The following ZBTB43 variants were observed in gnomAD, a reference collection of about 807,000 sequenced individuals.
ZBTB43 encodes zinc finger and BTB domain containing 43.
In ZBTB43, 6 loss-of-function variants were observed where a neutral mutation model predicts 31.1. That is an observed-to-expected ratio of 0.19 (90% CI 0.11 to 0.38). The LOEUF (loss-of-function observed/expected upper bound fraction) is 0.38, where lower values mean the gene tolerates loss of function less well. Ranked by LOEUF, ZBTB43 falls within the 10% of genes least tolerant of loss-of-function variation. ZBTB43 has a pLI of 1.00. For synonymous variants in ZBTB43, 212 were observed against 221.7 expected (o/e 0.96, Z 0.39); for missense variants, 379 against 602.1 (o/e 0.63, Z 3.88).
upstream of ZBTB43, among the ~76,000 whole-genome samples, chr9:126,804,275 C>T (rs375709897): frequency 2.6e-4 from 39 of 152,030 alleles, no homozygotes; most frequent in Non-Finnish European, 8.8e-5. Flanking sequence ...TCTGTGTGAC[C>T]CCAGTGCCCA....
rs1197951199 is a variant in ZBTB43, at chr9:126,835,220, A to G, written c.*1307A>G. 3 of 165,306 alleles carry G rather than the reference A, an allele frequency of 1.8e-5. No homozygotes were observed. Among genetic ancestry groups the G allele is most frequent in the African/African-American group, 7.3e-5 (3 of 41,054 alleles). The allele number at this position is 165,306 out of a possible 1,614,324, so 10.2% of individuals were successfully genotyped here. ...AAGTCCACAAAGCTACGCCGACCAGAAAAAAAAAATTAAAAAAACAAACAA... is the reference window on the plus strand; with the variant it reads ...AAGTCCACAAAGCTACGCCGACCAGGAAAAAAAAATTAAAAAAACAAACAA... On this transcript the variant is annotated 3_prime_UTR_variant, in exon 3 of 3. Transcript: ENST00000373464.
At chr9:126,810,853 A>G (rs1160092058) in intron 2 of ZBTB43, among the ~76,000 whole-genome samples, 1 of 151,964 alleles carries the variant, frequency 6.6e-6, no homozygotes, top group East Asian at 1.9e-4. Context: ...TTGTGAATGC[A>G]TTGTATATAA....
Position 126,833,311 on chromosome 9 carries a change from C to G in ZBTB43, c.802C>G (p.Gln268Glu). 1 of 1,613,010 alleles carries G rather than the reference C, an allele frequency of 6.2e-7. No individual in the cohort carries two copies. The highest frequency in any genetic ancestry group is 8.5e-7 in the Non-Finnish European group (1 of 1,179,504). Reference protein sequence around the residue: ...MDVHATYDEHQVTESINTVQT... With the variant: ...MDVHATYDEHEVTESINTVQT... ...TGTGCACGCGACCTACGACGAGCAC[C>G]AGGTCACAGAGTCCATCAACACCGT... Residue 268 changes from glutamine to glutamate, a missense_variant, in exon 3 of 3, where the codon CAG becomes GAG. Physicochemically the swap from Gln to Glu is conservative, Grantham distance 29. Coordinates refer to ENST00000373464, the MANE Select transcript of ZBTB43 (RefSeq NM_014007.4). The surrounding 1 kb of genome is among the most constrained non-coding windows in gnomAD (Gnocchi z 7.9).
intron 1 of ZBTB43, 148 bp from the exon 2 acceptor site, chr9:126,808,645 G>A (rs1199749089): frequency 2.0e-5 from 3 of 152,166 alleles, no homozygotes; most frequent in Admixed American, 6.5e-5. Context: ...CAGGAGCTAT[G>A]AAGTTGCAGA....
At chr9:126,830,415 C>A (rs577404193) in intron 2 of ZBTB43, among the ~76,000 whole-genome samples, 1 of 152,166 alleles carries the variant, frequency 6.6e-6, no homozygotes. Flanking sequence ...GGAGGCCAGG[C>A]GGGCAGATCG....
Position 126,833,530 on chromosome 9 carries a change from G to A in ZBTB43, c.1021G>A (p.Ala341Thr), listed in dbSNP as rs1329551313. The A allele has an allele frequency of 1.2e-6, 2 of 1,614,156 alleles. No individual in the cohort carries two copies. Among genetic ancestry groups the A allele is most frequent in the Non-Finnish European group, 1.7e-6 (2 of 1,180,024 alleles). Residue 341 changes from alanine (A) to threonine (T), a missense_variant, in exon 3 of 3, where the codon GCT becomes ACT. Transcript: ENST00000373464. The surrounding 1 kb of genome is among the most constrained non-coding windows in gnomAD (Gnocchi z 7.9). ...DGNLIGHRQE[A>T]ALAAGYSENI... ...GAATCTAATTGGGCACAGACAGGAG[G>A]CTGCCCTCGCAGCAGGTTACAGTGA...
chr9:126,827,604 T>C (rs962010786), intron 2 of ZBTB43, among the ~76,000 whole-genome samples: 2 of 152,264 alleles, frequency 1.3e-5, no homozygotes, highest in East Asian at 1.9e-4. Context: ...CCTGATTGTA[T>C]TGGTGGAGGA....
At chr9:126,820,756 C>CTAGG (rs1050535422) in intron 2 of ZBTB43, among the ~76,000 whole-genome samples, 3 of 151,796 alleles carry the variant, frequency 2.0e-5, no homozygotes, top group Non-Finnish European at 2.9e-5. Flanking sequence ...TTGCTTAAGC[C>CTAGG]TAGGGGTCCA....
chr9:126,826,920 A>G (rs902020793), intron 2 of ZBTB43, among the ~76,000 whole-genome samples: 1 of 152,154 alleles, frequency 6.6e-6, no homozygotes, highest in Non-Finnish European at 1.5e-5. Context: ...CTGCAGGGAC[A>G]GTTTCTAATT....
rs866434769 is a variant in ZBTB43 at position 126,817,435 on chromosome 9, T to C, written c.-24+8520T>C. ...TGGACTGTGACATTTCTTGATTGTC[T>C]TTGAAGTCCCCCATAATACATTGAA... On this transcript the variant is annotated intron_variant, in intron 2 of 2. Transcript: ENST00000373464. Among the ~76,000 whole-genome samples, 36 of 150,790 alleles carry C rather than the reference T, an allele frequency of 2.4e-4. 1 individual carries two copies. Among genetic ancestry groups the C allele is most frequent in the African/African-American group, 8.3e-4 (34 of 40,982 alleles).
intron 2 of ZBTB43, among the ~76,000 whole-genome samples, chr9:126,813,333 G>A (rs1199724113): frequency 6.6e-6 from 1 of 152,074 alleles, no homozygotes; most frequent in Non-Finnish European, 1.5e-5. Context: ...CCTATAATTA[G>A]CTTCTACTTC....
intron 2 of ZBTB43, among the ~76,000 whole-genome samples, chr9:126,822,417 TG>T (rs2032533433): frequency 6.6e-6 from 1 of 152,136 alleles, no homozygotes; most frequent in Non-Finnish European, 1.5e-5. Flanking sequence ...AAGAATCAAT[TG>T]ATGTGGCAAA....
chr9:126,807,227 C>G (rs2032146256), intron 1 of ZBTB43, among the ~76,000 whole-genome samples: 1 of 152,176 alleles, frequency 6.6e-6, no homozygotes, highest in African/African-American at 2.4e-5. Flanking sequence ...TGAACTATGG[C>G]TTAATACGCT....
At chr9:126,806,984 A>G (rs2032140134) in intron 1 of ZBTB43, among the ~76,000 whole-genome samples, 1 of 152,228 alleles carries the variant, frequency 6.6e-6, no homozygotes, top group South Asian at 2.1e-4. Context: ...AGGTTGAAAA[A>G]TAGCCCTTTT....
intron 1 of ZBTB43, among the ~76,000 whole-genome samples, chr9:126,806,600 T>A (rs948252963): frequency 6.6e-6 from 1 of 152,226 alleles, no homozygotes; most frequent in African/African-American, 2.4e-5. Flanking sequence ...ATTGGACTCT[T>A]AAAATTACTT....
Position 126,834,676 on chromosome 9 carries a change from T to C in ZBTB43, c.*763T>C, listed in dbSNP as rs1395702156. The stretch of plus-strand genomic sequence containing the variant: ...TTGTAATTCTCTAGGGTGCCAGAGA[T>C]AGGTATTTCTCATTGGTTTGCTTTC... On this transcript the variant is annotated 3_prime_UTR_variant, in exon 3 of 3. Transcript: ENST00000373464. 1 of 167,030 alleles carries C rather than the reference T, an allele frequency of 6.0e-6. No individual in the cohort carries two copies. Among genetic ancestry groups the C allele is most frequent in the African/African-American group, 2.4e-5 (1 of 41,448 alleles). The allele number at this position is 167,030 out of a possible 1,614,324, so 10.3% of individuals were successfully genotyped here.
intron 2 of ZBTB43, among the ~76,000 whole-genome samples, chr9:126,822,205 T>C (rs2032528615): frequency 6.7e-6 from 1 of 148,364 alleles, no homozygotes; most frequent in South Asian, 2.1e-4. Context: ...CTATGGTTAG[T>C]GTTAGTGTGT....
chr9:126,830,478 C>T (rs1424798540), intron 2 of ZBTB43, among the ~76,000 whole-genome samples: 1 of 152,198 alleles, frequency 6.6e-6, no homozygotes, highest in African/African-American at 2.4e-5. Context: ...AACCCTGTCT[C>T]TGCAAAAAAT....
intron 2 of ZBTB43, among the ~76,000 whole-genome samples, chr9:126,819,765 A>G (rs572499849): frequency 1.3e-5 from 2 of 152,364 alleles, no homozygotes; most frequent in Non-Finnish European, 2.9e-5. Flanking sequence ...AGCAAACATA[A>G]GCCAAAAGTT....
Sources: gnomAD v4.1 joint callset for allele counts (sites outside exome capture counted in the v4.1 genomes callset) on GRCh38, gnomAD v4.1.1 for gene constraint, Gnocchi (gnomAD v3.1) non-coding constraint, MANE v1.5 for transcripts, NCBI Gene and HGNC (gene_info 2026-07-23, HGNC 2026-07-21) for gene names.